The following DCDC2C variants were observed in gnomAD, a reference collection of about 807,000 sequenced individuals.
DCDC2C encodes the protein doublecortin domain containing 2C.
In DCDC2C, 44 loss-of-function variants were observed where a neutral mutation model predicts 45.0. That is an observed-to-expected ratio of 0.98 (90% CI 0.77 to 1.26). The LOEUF (loss-of-function observed/expected upper bound fraction) is 1.26, where lower values mean the gene tolerates loss of function less well. Among genes scored for constraint, DCDC2C ranks in the 50% most tolerant of loss-of-function variants. The pLI is 0.00. For missense variants in DCDC2C, 447 were observed against 468.9 expected, an observed-to-expected ratio of 0.95 and a Z score of 0.43; for synonymous variants, 187 against 178.8, an observed-to-expected ratio of 1.05 and a Z score of -0.37.
intron 4 of DCDC2C, among the ~76,000 whole-genome samples, chr2:3,749,812 A>G (rs1558576877): frequency 6.6e-6 from 1 of 152,176 alleles, no homozygotes; most frequent in African/African-American, 2.4e-5. Flanking sequence ...CCATCCCTGA[A>G]TGAAAAGCAC....
In DCDC2C at chr2:3,756,076, A is replaced by G. The variant is rs529625523; in HGVS notation, c.726+1442A>G. Among the ~76,000 whole-genome samples, 930 of 149,996 alleles carry G rather than the reference A, an allele frequency of 6.2e-3. 2 individuals are homozygous for G. Among genetic ancestry groups the G allele is most frequent in the Non-Finnish European group, 8.8e-3 (593 of 67,296 alleles). On this transcript the variant is annotated intron_variant, in intron 6 of 10. Coordinates refer to ENST00000399143, the MANE Select transcript of DCDC2C (RefSeq NM_001287444.2). ...TGTGTACCTATGTGTATGGATGCAT[A>G]TGTGTGTGTGTGTGTGTGTGCTGAT...
intron 3 of DCDC2C, among the ~76,000 whole-genome samples, chr2:3,733,498 G>T (rs1361534898): frequency 1.3e-5 from 2 of 152,176 alleles, no homozygotes. Context: ...GTCTGTTTGG[G>T]TTGTTATAAC....
At chr2:3,836,843 C>G (rs1442173894) in intron 10 of DCDC2C, among the ~76,000 whole-genome samples, 1 of 128,930 alleles carries the variant, frequency 7.8e-6, no homozygotes, top group Non-Finnish European at 1.6e-5. Flanking sequence ...GCCTGGGCGA[C>G]AGAGCGAGAC....
intron 10 of DCDC2C, among the ~76,000 whole-genome samples, chr2:3,830,523 G>A (rs964296200): frequency 2.0e-5 from 3 of 152,170 alleles, no homozygotes; most frequent in African/African-American, 7.2e-5. Flanking sequence ...GGAATTAGAT[G>A]CTCCTTCTTG....
chr2:3,817,231 GA>G (rs1226704848), intron 10 of DCDC2C, among the ~76,000 whole-genome samples: 2 of 152,196 alleles, frequency 1.3e-5, no homozygotes, highest in African/African-American at 4.8e-5. Flanking sequence ...CCCTTGCAGT[GA>G]ATGACTCCAG....
chr2:3,760,421 A>G (rs567404189), intron 6 of DCDC2C, among the ~76,000 whole-genome samples: 1 of 152,330 alleles, frequency 6.6e-6, no homozygotes, highest in South Asian at 2.1e-4. Flanking sequence ...AAGACTTGGA[A>G]CCAACCCAAA....
chr2:3,799,748 G>T (rs2148200605), intron 10 of DCDC2C, among the ~76,000 whole-genome samples: 1 of 152,398 alleles, frequency 6.6e-6, no homozygotes, highest in South Asian at 2.1e-4. Context: ...GCTGTGTGCT[G>T]GGAGAACCAC....
chr2:3,778,138 C>T (rs74937883), intron 8 of DCDC2C, among the ~76,000 whole-genome samples: 3 of 150,852 alleles, frequency 2.0e-5, no homozygotes, highest in Non-Finnish European at 3.0e-5. Context: ...AAACAGGAGG[C>T]GCCGGGGCCT....
At chr2:3,831,741 C>T (rs1369924729) in intron 10 of DCDC2C, among the ~76,000 whole-genome samples, 3 of 152,178 alleles carry the variant, frequency 2.0e-5, no homozygotes, top group Admixed American at 1.3e-4. Flanking sequence ...TCAGAGTCCT[C>T]GGATCAAACA....
At chr2:3,764,125 C>T (rs1479357658) in intron 6 of DCDC2C, among the ~76,000 whole-genome samples, 1 of 152,160 alleles carries the variant, frequency 6.6e-6, no homozygotes, top group Non-Finnish European at 1.5e-5. Flanking sequence ...CTATTATATG[C>T]AACTAGAAAG....
intron 2 of DCDC2C, among the ~76,000 whole-genome samples, chr2:3,709,226 T>A (rs552485145): frequency 6.6e-6 from 1 of 152,354 alleles, no homozygotes; most frequent in East Asian, 1.9e-4. Flanking sequence ...TGAGTTATTT[T>A]GAGGGTATCT....
Position 3,763,891 on chromosome 2 carries a change from C to T in DCDC2C, c.727-3863C>T, listed in dbSNP as rs142921763. Among the ~76,000 whole-genome samples the T allele has an allele frequency of 4.8e-4, 73 of 152,158 alleles. 1 individual carries two copies. The East Asian group carries it at 0.013, about 27-fold the overall frequency. On this transcript the variant is annotated intron_variant, in intron 6 of 10. Transcript: ENST00000399143. ...GGATACCTTGTAGACACTCAGTAGG[C>T]GATTATTGAGGGAATGAATGAATTC...
intron 10 of DCDC2C, among the ~76,000 whole-genome samples, chr2:3,836,872 A>AAT (rs1439461816): frequency 6.6e-6 from 1 of 151,766 alleles, no homozygotes; most frequent in Non-Finnish European, 1.5e-5. Flanking sequence ...AAAAAAAAAA[A>AAT]AAAAGAGTAC....
intron 10 of DCDC2C, among the ~76,000 whole-genome samples, chr2:3,841,024 G>T (rs1302210137): frequency 6.6e-6 from 1 of 152,194 alleles, no homozygotes; most frequent in East Asian, 1.9e-4. Flanking sequence ...GAAGATTTTG[G>T]CGTACCGTAC....
At chr2:3,808,786 G>C (rs766136556) in intron 10 of DCDC2C, among the ~76,000 whole-genome samples, 6 of 152,100 alleles carry the variant, frequency 3.9e-5, no homozygotes, top group Non-Finnish European at 8.8e-5. Flanking sequence ...TTTCTCTCAC[G>C]GATTGTGCCT....
chr2:3,788,321 C>T (rs890657266), intron 10 of DCDC2C: 1 of 152,164 alleles, frequency 6.6e-6, no homozygotes, highest in Non-Finnish European at 1.5e-5. Context: ...CAGATAGTAA[C>T]TTTCTGAAAT....
rs137868217 is a variant in DCDC2C, at chr2:3,739,722, C to T, written c.417-2198C>T. On this transcript the variant is annotated intron_variant, in intron 3 of 10. Coordinates refer to ENST00000399143, the MANE Select transcript of DCDC2C (RefSeq NM_001287444.2). The stretch of plus-strand genomic sequence containing the variant: ...CTCATTCTCCAAGCCCACATGTGAT[C>T]CAGTTGTTCTGGTACACCAAGGCCA... Among the ~76,000 whole-genome samples the T allele has an allele frequency of 1.8e-3, 281 of 152,350 alleles. 1 individual carries two copies. Among genetic ancestry groups the T allele is most frequent in the Non-Finnish European group, 3.0e-3 (205 of 68,030 alleles).
intron 10 of DCDC2C, among the ~76,000 whole-genome samples, chr2:3,842,503 T>C (rs1672236896): frequency 6.6e-6 from 1 of 151,420 alleles, no homozygotes; most frequent in African/African-American, 2.4e-5. Context: ...ATTGGGGGAG[T>C]GCAACTAGTT....
chr2:3,753,733 A>G (rs1192906014), intron 5 of DCDC2C, among the ~76,000 whole-genome samples: 1 of 151,668 alleles, frequency 6.6e-6, no homozygotes, highest in Non-Finnish European at 1.5e-5. Flanking sequence ...GAGTGCTTGA[A>G]CCTCCACTGA....
Sources: gnomAD v4.1 joint callset for allele counts (sites outside exome capture counted in the v4.1 genomes callset) on GRCh38, gnomAD v4.1.1 for gene constraint, MANE v1.5 for transcripts, NCBI Gene and HGNC (gene_info 2026-07-23, HGNC 2026-07-21) for gene names.